The following HDAC4 variants were observed in gnomAD, a reference collection of about 807,000 sequenced individuals.
The protein encoded by HDAC4 is histone deacetylase 4.
A neutral mutation model predicts 135.1 loss-of-function variants in HDAC4; 16 were observed. The observed-to-expected ratio is 0.12, with a 90% CI of 0.08 to 0.18. HDAC4 has a LOEUF of 0.18. HDAC4 is among the 10% of genes least tolerant of loss of function. The pLI, the probability that HDAC4 is intolerant of heterozygous loss-of-function variation, is 1.00. For synonymous variants in HDAC4, 685 were observed against 653.4 expected (o/e 1.05, Z -0.74); for missense variants, 1,143 against 1,511.8 (o/e 0.76, Z 4.05).
At chr2:239,081,227 C>A in intron 21 of HDAC4, 35 bp from the exon 22 acceptor site, 1 of 1,562,956 alleles carries the variant, frequency 6.4e-7, no homozygotes, top group Non-Finnish European at 8.8e-7. Context: ...ACGTCATGGA[C>A]CCCGAGCGGG....
intron 14 of HDAC4, 48 bp downstream of exon 14, chr2:239,111,478 A>G: frequency 6.4e-7 from 1 of 1,559,520 alleles, no homozygotes; most frequent in Non-Finnish European, 8.7e-7. Flanking sequence ...CGCTGTGCCC[A>G]CTGTGGCCCG....
At chr2:239,258,822 T>C (rs1042824251) in intron 2 of HDAC4, among the ~76,000 whole-genome samples, 8 of 152,244 alleles carry the variant, frequency 5.3e-5, no homozygotes, top group Admixed American at 1.3e-4. Flanking sequence ...TAGGCAATCA[T>C]GTTCAATGTA....
At chr2:239,082,373 G>A (rs927629756) in intron 20 of HDAC4, 152 bp from the exon 21 acceptor site, 55 of 1,021,762 alleles carry the variant, frequency 5.4e-5, no homozygotes, top group East Asian at 2.8e-4. Flanking sequence ...CCCGGCAGGC[G>A]CGATTCTGGG....
intron 1 of HDAC4, among the ~76,000 whole-genome samples, chr2:239,398,457 G>A (rs1030714337): frequency 2.0e-5 from 3 of 152,238 alleles, no homozygotes; most frequent in Non-Finnish European, 4.4e-5. Flanking sequence ...GTAGTTAAAA[G>A]GAAAGAGTTA....
chr2:239,176,959 G>A (rs748964414), intron 4 of HDAC4, among the ~76,000 whole-genome samples: 4 of 152,256 alleles, frequency 2.6e-5, no homozygotes, highest in South Asian at 2.1e-4. Flanking sequence ...CATCTGCCCC[G>A]AGACCCAGCA....
intron 2 of HDAC4, among the ~76,000 whole-genome samples, chr2:239,339,934 C>G (rs10170311): frequency 0.52 from 79,173 of 152,038 alleles, 20,927 homozygotes; most frequent in African/African-American, 0.59. Context: ...GGGCCACCGG[C>G]CTTTGTGACT....
At chr2:239,254,791 T>C (rs1303930775) in intron 2 of HDAC4, among the ~76,000 whole-genome samples, 3 of 152,214 alleles carry the variant, frequency 2.0e-5, no homozygotes, top group Non-Finnish European at 2.9e-5. Flanking sequence ...TTAAGAAGCA[T>C]GCTAAGTCTC....
rs2051068985 is a variant in HDAC4, at chr2:239,285,237, C to T, written c.23-48573G>A. ...AGAGCCACGGTGGAGGGGGACAGAG[C>T]CACGCTAAGGAGGAACACAGCCATG... On this transcript the variant is annotated intron_variant, in intron 2 of 26. Transcript: ENST00000543185. The surrounding 1 kb of genome is among the most constrained non-coding windows in gnomAD (Gnocchi z 4.5). Among the ~76,000 whole-genome samples, 1 of 152,210 alleles carries T rather than the reference C, an allele frequency of 6.6e-6. No homozygotes were observed. The highest frequency in any genetic ancestry group is 2.4e-5 in the African/African-American group (1 of 41,460).
chr2:239,160,039 A>T (rs1236477407), intron 6 of HDAC4, among the ~76,000 whole-genome samples: 2 of 152,252 alleles, frequency 1.3e-5, no homozygotes, highest in African/African-American at 4.8e-5. Flanking sequence ...TTGCCCTTTC[A>T]TCAGATTCGT....
intron 2 of HDAC4, among the ~76,000 whole-genome samples, chr2:239,263,184 G>A (rs995901727): frequency 1.3e-5 from 2 of 152,110 alleles, no homozygotes; most frequent in Non-Finnish European, 2.9e-5. Flanking sequence ...CCTAGCCTCT[G>A]CCCCAGAGGT....
At chr2:239,194,605 C>A (rs1346986846) in intron 3 of HDAC4, among the ~76,000 whole-genome samples, 1 of 152,242 alleles carries the variant, frequency 6.6e-6, no homozygotes, top group Non-Finnish European at 1.5e-5. Flanking sequence ...TCCCCACTCC[C>A]AAAAGACAGG....
intron 5 of HDAC4, among the ~76,000 whole-genome samples, chr2:239,175,163 G>A (rs1047136704): frequency 6.6e-6 from 1 of 152,224 alleles, no homozygotes; most frequent in African/African-American, 2.4e-5. Context: ...GAAACTCGGA[G>A]TGTCTATGAA....
rs2041200455 is a variant in HDAC4, at chr2:239,139,477, A to G, written c.978+207T>C. ...CGACGTGCCTGGAACTAGCGTGTTCATAATGAAAGGAGATGTCTGTGATGA... is the reference window on the plus strand; with the variant it reads ...CGACGTGCCTGGAACTAGCGTGTTCGTAATGAAAGGAGATGTCTGTGATGA... On this transcript the variant is annotated intron_variant, in intron 9 of 26. Coordinates refer to ENST00000543185, the MANE Select transcript of HDAC4 (RefSeq NM_001378414.1). The surrounding 1 kb of genome is among the most constrained non-coding windows in gnomAD (Gnocchi z 5.3). Among the ~76,000 whole-genome samples, 1 of 152,236 alleles carries G rather than the reference A, an allele frequency of 6.6e-6. No homozygotes were observed. The highest frequency in any genetic ancestry group is 6.5e-5 in the Admixed American group (1 of 15,286).
intron 24 of HDAC4, among the ~76,000 whole-genome samples, chr2:239,064,750 G>C (rs1033224337): frequency 6.6e-6 from 1 of 152,130 alleles, no homozygotes; most frequent in African/African-American, 2.4e-5. Flanking sequence ...CTCATAATGG[G>C]GTTTGCACTG....
rs2052689900 is a variant in HDAC4, at chr2:239,308,001, G to A, written c.22+44677C>T. On this transcript the variant is annotated intron_variant, in intron 2 of 26. Coordinates refer to ENST00000543185, the MANE Select transcript of HDAC4 (RefSeq NM_001378414.1). The surrounding 1 kb of genome is among the most constrained non-coding windows in gnomAD (Gnocchi z 4.2). The stretch of plus-strand genomic sequence containing the variant: ...CCCCCCCAAAGTGAGCGGCCACACA[G>A]CAATGAGTGGCCACACAGCAACGAG... Among the ~76,000 whole-genome samples, 1 of 152,142 alleles carries A rather than the reference G, an allele frequency of 6.6e-6. No individual in the cohort carries two copies. Among genetic ancestry groups the A allele is most frequent in the African/African-American group, 2.4e-5 (1 of 41,424 alleles).
At chr2:239,168,379 C>G (rs1021902122) in intron 5 of HDAC4, among the ~76,000 whole-genome samples, 1 of 152,170 alleles carries the variant, frequency 6.6e-6, no homozygotes, top group Non-Finnish European at 1.5e-5. Context: ...TAATCTAAAT[C>G]AAAACCTAGC....
intron 24 of HDAC4, 110 bp downstream of exon 24, chr2:239,066,612 T>C: frequency 7.0e-7 from 1 of 1,427,582 alleles, no homozygotes; most frequent in Admixed American, 1.7e-5. Context: ...AGCATCCACG[T>C]GGTCAGAGAC....
At chr2:239,061,384 CGT>C (rs752088494) in intron 24 of HDAC4, among the ~76,000 whole-genome samples, 4 of 144,674 alleles carry the variant, frequency 2.8e-5, no homozygotes, top group South Asian at 4.5e-4. Context: ...TGTGGGTGTG[CGT>C]GTGTGTGGTG....
In HDAC4 at chr2:239,299,250, T is replaced by A. The variant is rs988329597; in HGVS notation, c.22+53428A>T. 3.1e-4 allele frequency among the ~76,000 whole-genome samples: 47 copies of A among 152,304 alleles called. No homozygotes were observed. The highest frequency in any genetic ancestry group is 1.0e-3 in the African/African-American group (43 of 41,562). On this transcript the variant is annotated intron_variant, in intron 2 of 26. Transcript: ENST00000543185. This position sits in a 1 kb window ranked among gnomAD's most constrained non-coding sequence, Gnocchi z 4.0. ...TGAATATCCTCTCAATGTCAACACA[T>A]CCACTGCCAACATCAGAGTGAAAAT...
Sources: gnomAD v4.1 joint callset for allele counts (sites outside exome capture counted in the v4.1 genomes callset) on GRCh38, gnomAD v4.1.1 for gene constraint, Gnocchi (gnomAD v3.1) non-coding constraint, MANE v1.5 for transcripts, NCBI Gene and HGNC (gene_info 2026-07-23, HGNC 2026-07-21) for gene names.